OR52A5: variants seen among roughly 807,000 people sequenced by gnomAD.
The protein encoded by OR52A5 is olfactory receptor family 52 subfamily A member 5.
A neutral mutation model predicts 18.2 loss-of-function variants in OR52A5; 16 were observed. The ratio of observed to expected loss-of-function variants is 0.88; its 90% CI spans 0.60 to 1.34. OR52A5 has a LOEUF of 1.34. OR52A5 is among the 40% of genes most tolerant of loss of function. The pLI, the probability that OR52A5 is intolerant of heterozygous loss-of-function variation, is 0.00. For synonymous variants in OR52A5, 140 were observed against 137.2 expected (o/e 1.02, Z -0.14); for missense variants, 418 against 383.0 (o/e 1.09, Z -0.76).
At chr11:5,133,363 CAAA>C (rs745895019) in intron 1 of OR52A5, among the ~76,000 whole-genome samples, 6 of 62,392 alleles carry the variant, frequency 9.6e-5, no homozygotes, top group African/African-American at 4.0e-4. Context: ...GCGAGACTGT[CAAA>C]AAAAAAAAAA....
chr11:5,134,809 A>G (rs960888201), intron 1 of OR52A5, among the ~76,000 whole-genome samples: 1 of 151,992 alleles, frequency 6.6e-6, no homozygotes, highest in African/African-American at 2.4e-5. Flanking sequence ...ACTTGGATCA[A>G]AATTTTATGC....
In OR52A5 at chr11:5,129,987, T is replaced by G. The variant is rs1455664789; in HGVS notation, c.*1705A>C. The G allele has an allele frequency of 1.3e-5, 2 of 152,154 alleles. No individual in the cohort carries two copies. The highest frequency in any genetic ancestry group is 2.4e-5 in the African/African-American group (1 of 41,446). The allele number at this position is 152,154 out of a possible 1,614,324, so 9.4% of individuals were successfully genotyped here. A position where few individuals can be genotyped will look rare whatever the true frequency, so the allele number is the denominator to read the frequency against. On this transcript the variant is annotated 3_prime_UTR_variant, in exon 2 of 2. Transcript: ENST00000307388. The stretch of plus-strand genomic sequence containing the variant: ...CTTGAAATGCCAACCCACAGTCTAA[T>G]TATGACACAAATTTTTCATTTAATT...
At position 5,133,477 on chromosome 11, in the gene OR52A5, G is replaced by GTT. The variant is rs199734661; in HGVS notation, c.-60-777_-60-776dup. Among the ~76,000 whole-genome samples, 1,018 of 138,836 alleles carry GTT rather than the reference G, an allele frequency of 7.3e-3. 9 individuals carry two copies. The highest frequency in any genetic ancestry group is 0.021 in the African/African-American group (780 of 37,726). 91.1% of individuals were successfully genotyped at this position (138,836 alleles called of 152,430 possible). A position where few individuals can be genotyped will look rare whatever the true frequency, so the allele number is the denominator to read the frequency against. ...TCTTTAGTTTTGAAATCCACTGGCT[G>GTT]TTTTTTTTTTTTTTCCAGGTTAGGT... On this transcript the variant is annotated intron_variant, in intron 1 of 1. Coordinates refer to ENST00000307388, the MANE Select transcript of OR52A5 (RefSeq NM_001005160.3).
Position 5,132,212 on chromosome 11 carries a change from G to A in OR52A5, c.431C>T (p.Thr144Ile). The change falls in exon 2 of 2, where the codon ACT (threonine) becomes ATT (isoleucine). Residue 144 changes from threonine (T) to isoleucine (I), a missense_variant. Physicochemically the swap from Thr to Ile is moderately conservative, Grantham distance 89 (BLOSUM62 -1). Transcript: ENST00000307388. ...GAGTGTCACCCCAAGTCCAATATGA[G>A]TTAAGAACTGCTGGGAAAAGATGGT... ...HATIFSQQFL[T>I]HIGLGVTLRA... 6.2e-7 allele frequency: 1 copy of A among 1,614,110 alleles called. No homozygotes were observed. The highest frequency in any genetic ancestry group is 8.5e-7 in the Non-Finnish European group (1 of 1,180,026).
chr11:5,137,575 G>A (rs1429173892), intron 1 of OR52A5, among the ~76,000 whole-genome samples: 1 of 151,378 alleles, frequency 6.6e-6, no homozygotes, highest in Non-Finnish European at 1.5e-5. Flanking sequence ...GTGTCAACGA[G>A]GTCTTCTTTA....
Position 5,131,738 on chromosome 11 carries a change from A to G in OR52A5, c.905T>C (p.Ile302Thr), listed in dbSNP as rs866867420. 1.2e-6 allele frequency: 2 copies of G among 1,613,956 alleles called. No individual in the cohort carries two copies. Among genetic ancestry groups the G allele is most frequent in the Middle Eastern group, 1.6e-4 (1 of 6,062 alleles). ...PIVYGVKTKQ[I>T]RDHIVKVFFF... ...AAACACTTTCACAATATGGTCACGA[A>G]TTTGCTTGGTCTTCACTCCATAGAC... Residue 302 changes from isoleucine (I) to threonine (T), a missense_variant, in exon 2 of 2, where the codon ATT becomes ACT. Physicochemically the swap from Ile to Thr is moderately conservative, Grantham distance 89 (BLOSUM62 -1). Transcript: ENST00000307388.
intron 1 of OR52A5, among the ~76,000 whole-genome samples, chr11:5,135,312 C>G (rs954827542): frequency 3.3e-5 from 5 of 152,124 alleles, no homozygotes; most frequent in African/African-American, 1.2e-4. Flanking sequence ...GGACATTACT[C>G]CCCAATCACT....
At position 5,132,160 on chromosome 11, in the gene OR52A5, G is replaced by T; in HGVS notation, c.483C>A (p.Ser161=). 1 of 1,614,112 alleles carries T rather than the reference G, an allele frequency of 6.2e-7. No individual in the cohort carries two copies. The highest frequency in any genetic ancestry group is 8.5e-7 in the Non-Finnish European group (1 of 1,180,000). The change falls in exon 2 of 2, where the codon TCC becomes TCA. Residue 161 remains serine, a synonymous_variant. Transcript: ENST00000307388. The stretch of plus-strand genomic sequence containing the variant: ...TCAGACAGCATTTGATGAGCCCTAA[G>T]GAAGGTATTATAAGAATGGCAGCCC... ...TLRAAILIIP[S]LGLIKCCLKH...
chr11:5,135,106 C>T lies in OR52A5; in HGVS notation c.-60-2404G>A, dbSNP rs1003238153. Among the ~76,000 whole-genome samples, 4 of 152,034 alleles carry T rather than the reference C, an allele frequency of 2.6e-5. No homozygotes were observed. The South Asian group carries it at 8.3e-4, about 32-fold the overall frequency. On this transcript the variant is annotated intron_variant, in intron 1 of 1. Coordinates refer to ENST00000307388, the MANE Select transcript of OR52A5 (RefSeq NM_001005160.3). Reference sequence around the variant, plus strand: ...AGCCAGGATGGTCTCAATCTCCTGACCTTGTGATCCTCCTGCCTCAGCCTC... The same window carrying T: ...AGCCAGGATGGTCTCAATCTCCTGATCTTGTGATCCTCCTGCCTCAGCCTC...
chr11:5,131,480 T>G lies in OR52A5; in HGVS notation c.*212A>C. 3 of 355,246 alleles carry G rather than the reference T, an allele frequency of 8.4e-6. No individual in the cohort carries two copies. In the Admixed American group the frequency reaches 1.3e-4, roughly 15 times the overall value. The allele number at this position is 355,246 out of a possible 1,614,324, so 22.0% of individuals were successfully genotyped here. ...TACTGATTTCATATTATTTTTATATTGATAAGTATTTCAGATAAAGTAAAT... is the reference window on the plus strand; with the variant it reads ...TACTGATTTCATATTATTTTTATATGGATAAGTATTTCAGATAAAGTAAAT... On this transcript the variant is annotated 3_prime_UTR_variant, in exon 2 of 2. Transcript: ENST00000307388.
Position 5,131,457 on chromosome 11 carries a change from C to G in OR52A5, c.*235G>C. 2 of 278,606 alleles carry G rather than the reference C, an allele frequency of 7.2e-6. No individual in the cohort carries two copies. Among genetic ancestry groups the G allele is most frequent in the Non-Finnish European group, 6.8e-6 (1 of 147,672 alleles). The allele number at this position is 278,606 out of a possible 1,614,324, so 17.3% of individuals were successfully genotyped here. On this transcript the variant is annotated 3_prime_UTR_variant, in exon 2 of 2. Transcript: ENST00000307388. ...TTTTATGTTGTAGATATCGGTATTA[C>G]TGATTTCATATTATTTTTATATTGA...
rs756938604 is a variant in OR52A5 at position 5,131,766 on chromosome 11, T to C, written c.877A>G (p.Ile293Val). 10 of 1,613,824 alleles carry C rather than the reference T, an allele frequency of 6.2e-6. No homozygotes were observed. In the East Asian group the frequency reaches 6.7e-5, roughly 11 times the overall value. Residue 293 changes from isoleucine to valine, a missense_variant, in exon 2 of 2, where the codon ATT becomes GTT. Coordinates refer to ENST00000307388, the MANE Select transcript of OR52A5 (RefSeq NM_001005160.3). ...TGCTTGGTCTTCACTCCATAGACAATAGGGTTGAGAAAAGGTGGGACTAAC... is the reference window on the plus strand; with the variant it reads ...TGCTTGGTCTTCACTCCATAGACAACAGGGTTGAGAAAAGGTGGGACTAAC... ...YLLVPPFLNP[I>V]VYGVKTKQIR...
rs1217710926 is a variant in OR52A5 at position 5,131,649 on chromosome 11, T to C, written c.*43A>G. On this transcript the variant is annotated 3_prime_UTR_variant, in exon 2 of 2. Coordinates refer to ENST00000307388, the MANE Select transcript of OR52A5 (RefSeq NM_001005160.3). ...TGTGACTTTCATTATATTTAGGTTT[T>C]TACTTAGAACCAACCCTAAATCTCT... is the stretch of plus-strand genomic sequence containing the variant. The C allele has an allele frequency of 1.8e-5, 22 of 1,223,972 alleles. No individual in the cohort carries two copies. The highest frequency in any genetic ancestry group is 2.6e-5 in the Non-Finnish European group (22 of 859,738). The allele number at this position is 1,223,972 out of a possible 1,614,324, so 75.8% of individuals were successfully genotyped here. A position where few individuals can be genotyped will look rare whatever the true frequency, so the allele number is the denominator to read the frequency against.
intron 1 of OR52A5, among the ~76,000 whole-genome samples, chr11:5,133,223 G>T (rs1412053518): frequency 6.6e-6 from 1 of 151,784 alleles, no homozygotes; most frequent in Non-Finnish European, 1.5e-5. Context: ...CAAAAAATTA[G>T]CCAGTGTGGT....
At position 5,132,447 on chromosome 11, in the gene OR52A5, C is replaced by T. The variant is rs774579557; in HGVS notation, c.196G>A (p.Ala66Thr). The change falls in exon 2 of 2, where the codon GCC becomes ACC. Residue 66 changes from alanine to threonine, a missense_variant. Transcript: ENST00000307388. ...SLHIPMYIFL[A>T]MLAATDIALN... ...GCAATGTCTGTGGCTGCCAACATGGCCAAAAAAATGTACATGGGTATATGG... is the reference window on the plus strand; with the variant it reads ...GCAATGTCTGTGGCTGCCAACATGGTCAAAAAAATGTACATGGGTATATGG... The T allele has an allele frequency of 1.2e-6, 2 of 1,613,116 alleles. No homozygotes were observed. Among genetic ancestry groups the T allele is most frequent in the East Asian group, 4.5e-5 (2 of 44,866 alleles).
intron 1 of OR52A5, among the ~76,000 whole-genome samples, chr11:5,134,610 G>A (rs1846374302): frequency 6.6e-6 from 1 of 151,940 alleles, no homozygotes; most frequent in East Asian, 1.9e-4. Context: ...TGCTGAATGT[G>A]TGGACTTCAA....
In OR52A5 at chr11:5,131,592, T is replaced by G. The variant is rs915290565; in HGVS notation, c.*100A>C. ...TGAGACATAGCTAGAATTACAGGTATGTGTTGAGCTAGTAGTTTGAGAATA... is the reference window on the plus strand; with the variant it reads ...TGAGACATAGCTAGAATTACAGGTAGGTGTTGAGCTAGTAGTTTGAGAATA... On this transcript the variant is annotated 3_prime_UTR_variant, in exon 2 of 2. Transcript: ENST00000307388. 1 of 622,080 alleles carries G rather than the reference T, an allele frequency of 1.6e-6. No individual in the cohort carries two copies. Among genetic ancestry groups the G allele is most frequent in the African/African-American group, 1.8e-5 (1 of 54,252 alleles). The allele number at this position is 622,080 out of a possible 1,614,324, so 38.5% of individuals were successfully genotyped here.
intron 1 of OR52A5, among the ~76,000 whole-genome samples, chr11:5,133,363 CAAAA>C (rs745895019): frequency 1.6e-5 from 1 of 62,408 alleles, no homozygotes; most frequent in African/African-American, 6.6e-5. Context: ...GCGAGACTGT[CAAAA>C]AAAAAAAAAA....
intron 1 of OR52A5, among the ~76,000 whole-genome samples, chr11:5,134,627 A>G (rs190290151): frequency 3.3e-5 from 5 of 152,032 alleles, no homozygotes; most frequent in African/African-American, 1.2e-4. Context: ...TCAAAAAGTA[A>G]CATGTACCAT....
Sources: gnomAD v4.1 joint callset for allele counts (sites outside exome capture counted in the v4.1 genomes callset) on GRCh38, gnomAD v4.1.1 for gene constraint, MANE v1.5 for transcripts, NCBI Gene and HGNC (gene_info 2026-07-23, HGNC 2026-07-21) for gene names.